PKIA: variants seen among roughly 807,000 people sequenced by gnomAD.
PKIA encodes the protein cAMP-dependent protein kinase inhibitor alpha, also known as PKI-alpha.
A neutral mutation model predicts 7.6 loss-of-function variants in PKIA; 4 were observed. That is an observed-to-expected ratio of 0.52 (90% confidence interval 0.26 to 1.20). PKIA has a LOEUF of 1.20. Among genes scored for constraint, PKIA ranks in the 50% most tolerant of loss-of-function variants. The pLI is 0.13. For missense variants in PKIA, 73 were observed against 86.2 expected, an observed-to-expected ratio of 0.85 and a Z score of 0.61; for synonymous variants, 21 against 30.7, an observed-to-expected ratio of 0.68 and a Z score of 1.04.
chr8:78,603,188 C>T lies in PKIA; in HGVS notation c.*1367C>T, dbSNP rs1456189548. ...TGGTCAGTATTATGAAATCATTTGTCAGTGGTAATAAATAAGGAACCAGTA... is the reference window on the plus strand; with the variant it reads ...TGGTCAGTATTATGAAATCATTTGTTAGTGGTAATAAATAAGGAACCAGTA... On this transcript the variant is annotated 3_prime_UTR_variant, in exon 4 of 4. Coordinates refer to ENST00000396418, the MANE Select transcript of PKIA (RefSeq NM_006823.4). 1 of 152,210 alleles carries T rather than the reference C, an allele frequency of 6.6e-6. No individual in the cohort carries two copies. Among genetic ancestry groups the T allele is most frequent in the Non-Finnish European group, 1.5e-5 (1 of 67,910 alleles). The allele number at this position is 152,210 out of a possible 1,614,324, so 9.4% of individuals were successfully genotyped here.
chr8:78,531,465 T>A (rs1032947695), intron 1 of PKIA, among the ~76,000 whole-genome samples: 2 of 152,154 alleles, frequency 1.3e-5, no homozygotes, highest in Non-Finnish European at 2.9e-5. Context: ...TTTTGTATAT[T>A]CATAGAAGTG....
intron 3 of PKIA, among the ~76,000 whole-genome samples, chr8:78,600,246 C>G (rs748277558): frequency 1.3e-5 from 2 of 151,774 alleles, no homozygotes; most frequent in Non-Finnish European, 2.9e-5. Flanking sequence ...GAAAAAATGG[C>G]AATTATATAA....
At chr8:78,572,635 T>G (rs1473040886) in intron 1 of PKIA, among the ~76,000 whole-genome samples, 176 bp from the exon 2 acceptor site, 1 of 151,550 alleles carries the variant, frequency 6.6e-6, no homozygotes, top group Non-Finnish European at 1.5e-5. Context: ...ATCCCAAAAT[T>G]CAACCTATAC....
intron 1 of PKIA, among the ~76,000 whole-genome samples, chr8:78,525,333 G>T (rs1401438410): frequency 6.6e-6 from 1 of 151,824 alleles, no homozygotes; most frequent in Non-Finnish European, 1.5e-5. Context: ...CACAATCAGA[G>T]ATAAAGTACA....
intron 1 of PKIA, among the ~76,000 whole-genome samples, chr8:78,525,370 A>G (rs1385752845): frequency 6.6e-6 from 1 of 151,968 alleles, no homozygotes; most frequent in African/African-American, 2.4e-5. Flanking sequence ...AATGTTTTCA[A>G]CCTGCATATA....
At chr8:78,562,120 C>T (rs1807300280) in intron 1 of PKIA, among the ~76,000 whole-genome samples, 1 of 152,098 alleles carries the variant, frequency 6.6e-6, no homozygotes, top group Admixed American at 6.6e-5. Context: ...AATAATAGTT[C>T]TGAAACCCCA....
rs146611497 is a variant in PKIA at position 78,526,153 on chromosome 8, C to T, written c.-157+9685C>T. Among the ~76,000 whole-genome samples the T allele has an allele frequency of 8.0e-3, 1,224 of 152,136 alleles. 13 individuals carry two copies. Among genetic ancestry groups the T allele is most frequent in the African/African-American group, 0.027 (1,138 of 41,536 alleles). On this transcript the variant is annotated intron_variant, in intron 1 of 3. Transcript: ENST00000396418. ...ATGAATTATTTTTTCTACCCCTCCC[C>T]ATGTAAGTTAAACTTAGCCTTGAAA... is the stretch of plus-strand genomic sequence containing the variant.
intron 2 of PKIA, among the ~76,000 whole-genome samples, chr8:78,585,852 G>A (rs999575280): frequency 7.2e-5 from 11 of 152,048 alleles, no homozygotes; most frequent in African/African-American, 1.4e-4. Flanking sequence ...AGAAAAGATC[G>A]CCGAGTTTAG....
At chr8:78,569,417 C>T (rs558381557) in intron 1 of PKIA, among the ~76,000 whole-genome samples, 1 of 152,210 alleles carries the variant, frequency 6.6e-6, no homozygotes, top group Non-Finnish European at 1.5e-5. Flanking sequence ...TGCAGTAAGG[C>T]CATGTGAGTC....
chr8:78,564,063 C>CTAATGGATAAATG (rs1807346889), intron 1 of PKIA, among the ~76,000 whole-genome samples: 1 of 151,628 alleles, frequency 6.6e-6, no homozygotes, highest in Non-Finnish European at 1.5e-5. Context: ...TGACAGTGGG[C>CTAATGGATAAATG]CATTTACTGG....
chr8:78,597,466 G>T (rs1808252144), intron 2 of PKIA, among the ~76,000 whole-genome samples: 1 of 152,118 alleles, frequency 6.6e-6, no homozygotes, highest in African/African-American at 2.4e-5. Context: ...AATTGCTGGT[G>T]CATGGTGCAT....
chr8:78,528,568 T>C (rs1806307132), intron 1 of PKIA, among the ~76,000 whole-genome samples: 2 of 151,080 alleles, frequency 1.3e-5, no homozygotes, highest in South Asian at 4.2e-4. Flanking sequence ...TTCATGCCAG[T>C]AATCTCAGTG....
intron 1 of PKIA, among the ~76,000 whole-genome samples, chr8:78,563,992 C>G (rs539765696): frequency 2.6e-4 from 39 of 152,068 alleles, no homozygotes; most frequent in African/African-American, 7.9e-4. Flanking sequence ...TGGCCTTTCA[C>G]ATTAACTCTA....
chr8:78,556,404 C>T (rs1005642367), intron 1 of PKIA: 2 of 151,846 alleles, frequency 1.3e-5, no homozygotes, highest in Non-Finnish European at 2.9e-5. Context: ...ATCTAACATT[C>T]CATTGTTTAC....
intron 2 of PKIA, among the ~76,000 whole-genome samples, chr8:78,573,154 T>G (rs1212127395): frequency 6.6e-6 from 1 of 152,092 alleles, no homozygotes; most frequent in Non-Finnish European, 1.5e-5. Context: ...AGCTTGTTGT[T>G]ACTAAGTACA....
intron 1 of PKIA, among the ~76,000 whole-genome samples, chr8:78,563,465 A>T (rs1807331912): frequency 6.6e-6 from 1 of 152,160 alleles, no homozygotes; most frequent in African/African-American, 2.4e-5. Context: ...TAGAAATCAG[A>T]TTAAAGGTGG....
At chr8:78,573,775 T>C (rs1807611320) in intron 2 of PKIA, among the ~76,000 whole-genome samples, 1 of 152,034 alleles carries the variant, frequency 6.6e-6, no homozygotes, top group Non-Finnish European at 1.5e-5. Context: ...TGTTGGCTTC[T>C]GTAGTCTCAG....
At chr8:78,542,614 G>C (rs954782421) in intron 1 of PKIA, among the ~76,000 whole-genome samples, 3 of 152,062 alleles carry the variant, frequency 2.0e-5, no homozygotes, top group African/African-American at 7.2e-5. Context: ...AGAATTTGCT[G>C]TATCTCTATC....
chr8:78,538,425 A>C (rs1173758756), intron 1 of PKIA, among the ~76,000 whole-genome samples: 1 of 152,060 alleles, frequency 6.6e-6, no homozygotes, highest in Non-Finnish European at 1.5e-5. Flanking sequence ...TGTCTTGAAG[A>C]TCAACTACAT....
Sources: allele counts gnomAD v4.1 joint callset (sites outside exome capture counted in the v4.1 genomes callset), GRCh38; gene constraint gnomAD v4.1.1; transcripts MANE v1.5; gene names NCBI Gene and HGNC (gene_info 2026-07-23, HGNC 2026-07-21).